Variants in ACSS3 observed in about 807,000 individuals in gnomAD.
ACSS3 encodes acyl-CoA synthetase short-chain family member 3, mitochondrial.
ACSS3 carries 64 observed loss-of-function variants against 84.2 expected under a neutral mutation model. That is an observed-to-expected ratio of 0.76 (90% CI 0.62 to 0.94). The LOEUF (loss-of-function observed/expected upper bound fraction) is 0.94. ACSS3 is among the 40% of genes least tolerant of loss of function. The probability of loss-of-function intolerance (pLI) is 0.00; values close to 1 mark genes in which losing one functional copy is unlikely to be tolerated. For missense variants in ACSS3, 815 were observed against 867.6 expected (o/e 0.94, Z 0.76); for synonymous variants, 317 against 310.1 (o/e 1.02, Z -0.23).
At chr12:81,219,092 AAG>A (rs1234507411) in intron 10 of ACSS3, among the ~76,000 whole-genome samples, 3 of 152,134 alleles carry the variant, frequency 2.0e-5, no homozygotes, top group Admixed American at 2.0e-4. Context: ...CACTATGAGA[AAG>A]AGATTTCTCC....
intron 13 of ACSS3, among the ~76,000 whole-genome samples, chr12:81,252,283 T>TA (rs2136017369): frequency 6.6e-6 from 1 of 152,284 alleles, no homozygotes; most frequent in African/African-American, 2.4e-5. Flanking sequence ...ACATTTAGAA[T>TA]AGATATTCAT....
intron 13 of ACSS3, among the ~76,000 whole-genome samples, chr12:81,244,189 C>T (rs1207408295): frequency 1.3e-5 from 2 of 152,088 alleles, no homozygotes; most frequent in Non-Finnish European, 2.9e-5. Flanking sequence ...CCACTCTCTT[C>T]TTGTTTACAT....
At chr12:81,199,562 G>A (rs1039329755) in intron 9 of ACSS3, 118 bp downstream of exon 9, 13 of 1,453,608 alleles carry the variant, frequency 8.9e-6, no homozygotes, top group African/African-American at 1.4e-5. Flanking sequence ...GGATTCGAGT[G>A]GTTCAGGTTT....
At chr12:81,086,728 T>C (rs1469692242) in intron 1 of ACSS3, among the ~76,000 whole-genome samples, 1 of 152,176 alleles carries the variant, frequency 6.6e-6, no homozygotes, top group Non-Finnish European at 1.5e-5. Flanking sequence ...CTTCTTCTTC[T>C]TTTTATTTTT....
chr12:81,171,107 C>T (rs2030006620), intron 7 of ACSS3, among the ~76,000 whole-genome samples: 1 of 151,940 alleles, frequency 6.6e-6, no homozygotes, highest in Non-Finnish European at 1.5e-5. Context: ...TAATATTATC[C>T]CATACACATG....
chr12:81,222,688 C>G (rs1358922035), intron 11 of ACSS3, among the ~76,000 whole-genome samples: 1 of 152,022 alleles, frequency 6.6e-6, no homozygotes, highest in East Asian at 1.9e-4. Context: ...CTAGATTTTT[C>G]TACATTCTTC....
At chr12:81,196,250 T>C (rs1350296640) in intron 8 of ACSS3, among the ~76,000 whole-genome samples, 1 of 152,122 alleles carries the variant, frequency 6.6e-6, no homozygotes, top group African/African-American at 2.4e-5. Flanking sequence ...ACCTCTACAC[T>C]CTCCCATATG....
intron 7 of ACSS3, among the ~76,000 whole-genome samples, chr12:81,171,711 A>T (rs1319503435): frequency 1.3e-5 from 2 of 152,170 alleles, no homozygotes; most frequent in African/African-American, 4.8e-5. Flanking sequence ...AAAAAGTATG[A>T]TGTAGTTTTT....
chr12:81,139,417 A>C, intron 4 of ACSS3, 152 bp downstream of exon 4: 1 of 916,498 alleles, frequency 1.1e-6, no homozygotes, highest in Non-Finnish European at 1.6e-6. Context: ...AATAAGACTT[A>C]CTGACTTCAT....
At chr12:81,089,178 C>A (rs977794857) in intron 1 of ACSS3, among the ~76,000 whole-genome samples, 10 of 151,860 alleles carry the variant, frequency 6.6e-5, no homozygotes, top group African/African-American at 2.4e-4. Flanking sequence ...ATTATGAACA[C>A]TTGGAAATTT....
intron 11 of ACSS3, among the ~76,000 whole-genome samples, chr12:81,225,036 A>G (rs1260862607): frequency 6.6e-6 from 1 of 151,894 alleles, no homozygotes; most frequent in East Asian, 1.9e-4. Context: ...ATTAAACTTT[A>G]TCATAGCTAT....
At chr12:81,135,744 A>G (rs1332330245) in intron 3 of ACSS3, among the ~76,000 whole-genome samples, 2 of 152,064 alleles carry the variant, frequency 1.3e-5, no homozygotes, top group African/African-American at 4.8e-5. Flanking sequence ...GGTGACAAGT[A>G]CCCTAAAAGT....
intron 1 of ACSS3, among the ~76,000 whole-genome samples, chr12:81,108,264 A>AATTATT (rs1555245678): frequency 2.8e-5 from 4 of 142,338 alleles, no homozygotes; most frequent in African/African-American, 1.0e-4. Context: ...TATTATTATT[A>AATTATT]ATTATTATTA....
At chr12:81,130,225 A>G (rs926971297) in intron 2 of ACSS3, among the ~76,000 whole-genome samples, 2 of 152,204 alleles carry the variant, frequency 1.3e-5, no homozygotes, top group African/African-American at 4.8e-5. Context: ...TGGTTGAATT[A>G]GTTTACATTC....
chr12:81,078,164 G>C lies in ACSS3; in HGVS notation c.44G>C (p.Gly15Ala). The stretch of plus-strand genomic sequence containing the variant: ...CAGTGTCGTAAAGTCACCAGCGCCG[G>C]GGGGCTCGGAGGGCCCTTGCCTGGG... ...WLQCRKVTSA[G>A]GLGGPLPGSS... Residue 15 changes from glycine to alanine, a missense_variant, in exon 1 of 16, where the codon GGG (glycine) becomes GCG (alanine). Transcript: ENST00000548058. 8 of 1,519,246 alleles carry C rather than the reference G, an allele frequency of 5.3e-6. No individual in the cohort carries two copies. Among genetic ancestry groups the C allele is most frequent in the Non-Finnish European group, 7.0e-6 (8 of 1,138,320 alleles). The allele number at this position is 1,519,246 out of a possible 1,614,324, so 94.1% of individuals were successfully genotyped here.
intron 8 of ACSS3, among the ~76,000 whole-genome samples, chr12:81,190,853 C>G (rs1484654025): frequency 6.6e-6 from 1 of 151,750 alleles, no homozygotes. Context: ...GTGACTTTTC[C>G]CCCTCTTATT....
intron 13 of ACSS3, among the ~76,000 whole-genome samples, chr12:81,247,381 T>C (rs2034016490): frequency 6.6e-6 from 1 of 152,108 alleles, no homozygotes; most frequent in South Asian, 2.1e-4. Context: ...CAAAGATATG[T>C]TGTGTTTTAA....
intron 13 of ACSS3, among the ~76,000 whole-genome samples, chr12:81,239,956 G>A (rs2033742443): frequency 6.6e-6 from 1 of 151,936 alleles, no homozygotes; most frequent in South Asian, 2.1e-4. Context: ...TAGAAGGGAG[G>A]AATTAGGAAT....
intron 7 of ACSS3, among the ~76,000 whole-genome samples, chr12:81,159,938 C>G (rs547962768): frequency 5.9e-5 from 9 of 152,316 alleles, no homozygotes; most frequent in Admixed American, 2.0e-4. Context: ...CGTGTCCTGC[C>G]TTTCTCCTTA....
Sources: allele counts gnomAD v4.1 joint callset (sites outside exome capture counted in the v4.1 genomes callset), GRCh38; gene constraint gnomAD v4.1.1; transcripts MANE v1.5; gene names NCBI Gene and HGNC (gene_info 2026-07-23, HGNC 2026-07-21).